GCNT2: variants seen among roughly 807,000 people sequenced by gnomAD.
GCNT2 encodes the protein N-acetyllactosaminide beta-1,6-N-acetylglucosaminyl-transferase.
In GCNT2, 34 loss-of-function variants were observed where a neutral mutation model predicts 34.2. The ratio of observed to expected loss-of-function variants is 1.00; its 90% CI spans 0.76 to 1.32. The LOEUF is 1.32. GCNT2 is among the 40% of genes most tolerant of loss of function. The pLI, the probability that GCNT2 is intolerant of heterozygous loss-of-function variation, is 0.00. For missense variants in GCNT2, 584 were observed against 489.4 expected (o/e 1.19, Z -1.82); for synonymous variants, 212 against 188.0 (o/e 1.13, Z -1.04).
At chr6:10,532,840 C>T (rs750791060) in intron 3 of GCNT2, among the ~76,000 whole-genome samples, 11 of 151,486 alleles carry the variant, frequency 7.3e-5, no homozygotes, top group Non-Finnish European at 1.5e-4. Context: ...ATTATTATTC[C>T]GGCTATGTGG....
intron 3 of GCNT2, among the ~76,000 whole-genome samples, chr6:10,542,433 T>C (rs1384935256): frequency 2.0e-5 from 3 of 152,308 alleles, no homozygotes; most frequent in South Asian, 2.1e-4. Flanking sequence ...AATGTAATGA[T>C]TTTTAGTGCC....
intron 3 of GCNT2, among the ~76,000 whole-genome samples, chr6:10,582,133 A>T (rs1001070602): frequency 1.8e-4 from 25 of 139,358 alleles, no homozygotes; most frequent in Admixed American, 5.4e-4. Flanking sequence ...TTATAAATGC[A>T]TATATGATAT....
At chr6:10,522,837 G>A (rs978888872) in intron 1 of GCNT2, among the ~76,000 whole-genome samples, 9 of 152,118 alleles carry the variant, frequency 5.9e-5, no homozygotes, top group African/African-American at 1.9e-4. Flanking sequence ...CACGGAGATT[G>A]GGCTGCTGTT....
At chr6:10,569,234 G>C (rs368653324) in intron 3 of GCNT2, among the ~76,000 whole-genome samples, 40 of 19,248 alleles carry the variant, frequency 2.1e-3, no homozygotes, top group East Asian at 3.8e-3. Flanking sequence ...CACTCCCCCC[G>C]CCACACACAC....
At chr6:10,565,660 TGAA>T (rs1439681346) in intron 3 of GCNT2, among the ~76,000 whole-genome samples, 1 of 152,204 alleles carries the variant, frequency 6.6e-6, no homozygotes, top group African/African-American at 2.4e-5. Flanking sequence ...CCTACTTTCT[TGAA>T]GAAATCTACC....
intron 3 of GCNT2, chr6:10,557,005 C>T (rs756250960): frequency 1.2e-6 from 2 of 1,613,672 alleles, no homozygotes; most frequent in South Asian, 1.1e-5. Flanking sequence ...AAGACTTCCC[C>T]CTGAAAACCA....
intron 3 of GCNT2, among the ~76,000 whole-genome samples, chr6:10,530,628 TG>T (rs1761441461): frequency 6.6e-6 from 1 of 150,622 alleles, no homozygotes; most frequent in African/African-American, 2.4e-5. Context: ...CCCAGCGCTT[TG>T]GAAGGCTGAG....
chr6:10,575,954 ACT>A (rs1283157908), intron 3 of GCNT2, among the ~76,000 whole-genome samples: 3 of 151,554 alleles, frequency 2.0e-5, no homozygotes, highest in South Asian at 2.1e-4. Context: ...CCCTTTGCTG[ACT>A]CTCTTTTCAG....
chr6:10,552,308 A>C (rs1762520380), intron 3 of GCNT2, among the ~76,000 whole-genome samples: 1 of 151,928 alleles, frequency 6.6e-6, no homozygotes, highest in South Asian at 2.1e-4. Context: ...GTTAAAAAAA[A>C]AAAAAAAATT....
chr6:10,523,073 T>C (rs1760996978), intron 1 of GCNT2, among the ~76,000 whole-genome samples: 1 of 152,202 alleles, frequency 6.6e-6, no homozygotes, highest in Non-Finnish European at 1.5e-5. Flanking sequence ...TGAGCTGCTA[T>C]TTAACTTTGC....
At chr6:10,534,875 T>C (rs1055439252) in intron 3 of GCNT2, among the ~76,000 whole-genome samples, 2 of 151,544 alleles carry the variant, frequency 1.3e-5, no homozygotes, top group Non-Finnish European at 2.9e-5. Context: ...AATGGATAAA[T>C]AAATAAGCAA....
chr6:10,538,301 G>A (rs564232353), intron 3 of GCNT2, among the ~76,000 whole-genome samples: 182 of 149,974 alleles, frequency 1.2e-3, no homozygotes, highest in African/African-American at 4.3e-3. Context: ...CCAGCTACTC[G>A]GGAGGCTGAG....
intron 3 of GCNT2, among the ~76,000 whole-genome samples, chr6:10,570,830 G>T (rs1486313316): frequency 6.6e-6 from 1 of 152,096 alleles, no homozygotes. Context: ...TCTCTGTCTG[G>T]TTTCTTCTCT....
At chr6:10,544,448 C>CA (rs914539460) in intron 3 of GCNT2, among the ~76,000 whole-genome samples, 1 of 145,964 alleles carries the variant, frequency 6.9e-6, no homozygotes, top group Non-Finnish European at 1.5e-5. Flanking sequence ...ACTAAAAACG[C>CA]AAAAAAATTA....
chr6:10,624,253 C>G (rs141727525), intron 4 of GCNT2, among the ~76,000 whole-genome samples: 4,539 of 152,216 alleles, frequency 0.03, 108 homozygotes, highest in Middle Eastern at 0.071. Flanking sequence ...ATACCCAAGA[C>G]TGGGTAATTT....
intron 3 of GCNT2, among the ~76,000 whole-genome samples, chr6:10,585,374 A>G (rs1015260690): frequency 8.6e-5 from 13 of 151,972 alleles, no homozygotes; most frequent in African/African-American, 3.1e-4. Flanking sequence ...CTGTGTCTGT[A>G]TGTGCCCAGA....
chr6:10,532,505 C>A (rs555207973), intron 3 of GCNT2, among the ~76,000 whole-genome samples: 1 of 152,162 alleles, frequency 6.6e-6, no homozygotes, highest in Admixed American at 6.5e-5. Context: ...TCACGGCTCA[C>A]GGCCTCAACC....
rs1025498843 is a variant in GCNT2, at chr6:10,538,482, C to T, written c.925+8646C>T. 2.9e-5 allele frequency among the ~76,000 whole-genome samples: 4 copies of T among 138,592 alleles called. 1 individual carries two copies. Among genetic ancestry groups the T allele is most frequent in the South Asian group, 2.2e-4 (1 of 4,524 alleles). 90.9% of individuals were successfully genotyped at this position (138,592 alleles called of 152,430 possible). On this transcript the variant is annotated intron_variant, in intron 3 of 4. Coordinates refer to ENST00000495262, the MANE Select transcript of GCNT2 (RefSeq NM_145649.5). Reference sequence around the variant, plus strand: ...TGTTGAACTCTCATAAGTCAGGGACCGTCTGTATTCTTTCCTGAATTTATA... The same window carrying T: ...TGTTGAACTCTCATAAGTCAGGGACTGTCTGTATTCTTTCCTGAATTTATA...
chr6:10,578,034 A>G (rs1179286039), intron 3 of GCNT2, among the ~76,000 whole-genome samples: 6 of 151,888 alleles, frequency 4.0e-5, no homozygotes. Flanking sequence ...TAGTTGATTG[A>G]CCTCATTCAA....
Sources: gnomAD v4.1 joint callset for allele counts (sites outside exome capture counted in the v4.1 genomes callset) on GRCh38, gnomAD v4.1.1 for gene constraint, MANE v1.5 for transcripts, NCBI Gene and HGNC (gene_info 2026-07-23, HGNC 2026-07-21) for gene names.